The following BUB3 variants were observed in gnomAD, a reference collection of about 807,000 sequenced individuals.
The protein encoded by BUB3 is BUB3 mitotic checkpoint protein.
A neutral mutation model predicts 39.9 loss-of-function variants in BUB3; 22 were observed. The ratio of observed to expected loss-of-function variants is 0.55; its 90% CI spans 0.39 to 0.79. BUB3 has a LOEUF of 0.79. Ranked by LOEUF, BUB3 falls within the 30% of genes least tolerant of loss-of-function variation. The pLI, the probability that BUB3 is intolerant of heterozygous loss-of-function variation, is 0.00. For synonymous variants in BUB3, 168 were observed against 155.1 expected (o/e 1.08, Z -0.62); for missense variants, 303 against 415.4 (o/e 0.73, Z 2.35).
chr10:123,164,041 C>A lies in BUB3; in HGVS notation c.*206C>A. ...CATGAGATGGTTTGATGGTTTGCTG[C>A]ATTAAAGGTATTTGGGCAAACAAAA... On this transcript the variant is annotated 3_prime_UTR_variant, in exon 8 of 8. Transcript: ENST00000368865. 8.0e-7 allele frequency: 1 copy of A among 1,253,264 alleles called. No individual in the cohort carries two copies. Among genetic ancestry groups the A allele is most frequent in the Non-Finnish European group, 1.0e-6 (1 of 997,342 alleles). 77.6% of individuals were successfully genotyped at this position (1,253,264 alleles called of 1,614,324 possible). A position where few individuals can be genotyped will look rare whatever the true frequency, so the allele number is the denominator to read the frequency against.
rs977803353 is a variant in BUB3 at position 123,170,291 on chromosome 10, A to G, written c.*6456A>G. The G allele has an allele frequency of 2.0e-5, 3 of 152,244 alleles. No individual in the cohort carries two copies. The highest frequency in any genetic ancestry group is 7.2e-5 in the African/African-American group (3 of 41,464). 9.4% of individuals were successfully genotyped at this position (152,244 alleles called of 1,614,324 possible). A position where few individuals can be genotyped will look rare whatever the true frequency, so the allele number is the denominator to read the frequency against. On this transcript the variant is annotated 3_prime_UTR_variant, in exon 8 of 8. Coordinates refer to ENST00000368865, the MANE Select transcript of BUB3 (RefSeq NM_004725.4). ...TTTACATGATGTAGTTCTCAGATAT[A>G]TACGGGATTTCTAGTTCTTAAATGC...
intron 7 of BUB3, among the ~76,000 whole-genome samples, chr10:123,163,430 T>A (rs1844449957): frequency 6.6e-6 from 1 of 152,228 alleles, no homozygotes; most frequent in Non-Finnish European, 1.5e-5. Context: ...TCTACCAGGC[T>A]TTAAGGGAAA....
At position 123,168,875 on chromosome 10, in the gene BUB3, A is replaced by T. The variant is rs1844521204; in HGVS notation, c.*5040A>T. 1 of 151,708 alleles carries T rather than the reference A, an allele frequency of 6.6e-6. No individual in the cohort carries two copies. Among genetic ancestry groups the T allele is most frequent in the Non-Finnish European group, 1.5e-5 (1 of 67,956 alleles). The allele number at this position is 151,708 out of a possible 1,614,324, so 9.4% of individuals were successfully genotyped here. A position where few individuals can be genotyped will look rare whatever the true frequency, so the allele number is the denominator to read the frequency against. Reference sequence around the variant, plus strand: ...CTGTGACTTTTTTTTTTTTAAGCTCATCAGCTATTGTATTAGTGTATTTTA... The same window carrying T: ...CTGTGACTTTTTTTTTTTTAAGCTCTTCAGCTATTGTATTAGTGTATTTTA... On this transcript the variant is annotated 3_prime_UTR_variant, in exon 8 of 8. Coordinates refer to ENST00000368865, the MANE Select transcript of BUB3 (RefSeq NM_004725.4).
chr10:123,166,648 C>T lies in BUB3; in HGVS notation c.*2813C>T, dbSNP rs540949236. 1 of 152,232 alleles carries T rather than the reference C, an allele frequency of 6.6e-6. No individual in the cohort carries two copies. Among genetic ancestry groups the T allele is most frequent in the South Asian group, 2.1e-4 (1 of 4,820 alleles). The allele number at this position is 152,232 out of a possible 1,614,324, so 9.4% of individuals were successfully genotyped here. On this transcript the variant is annotated 3_prime_UTR_variant, in exon 8 of 8. Coordinates refer to ENST00000368865, the MANE Select transcript of BUB3 (RefSeq NM_004725.4). Reference sequence around the variant, plus strand: ...ACTGCTTCCTGTTGCTCATAGTCACCCTTCAGTGATTTCATAAGGAGGTGT... The same window carrying T: ...ACTGCTTCCTGTTGCTCATAGTCACTCTTCAGTGATTTCATAAGGAGGTGT...
In BUB3 at chr10:123,164,715, C is replaced by G. The variant is rs1283052698; in HGVS notation, c.*880C>G. The stretch of plus-strand genomic sequence containing the variant: ...TAGTTCTTATGTCCATTTCAGTTGA[C>G]CAGCCGCTGGTGATTAAAGTTAAAA... On this transcript the variant is annotated 3_prime_UTR_variant, in exon 8 of 8. Transcript: ENST00000368865. 3 of 1,056,568 alleles carry G rather than the reference C, an allele frequency of 2.8e-6. No homozygotes were observed. The highest frequency in any genetic ancestry group is 3.4e-6 in the Non-Finnish European group (3 of 875,812). 65.4% of individuals were successfully genotyped at this position (1,056,568 alleles called of 1,614,324 possible).
At chr10:123,154,698 G>T (rs1226143665) in intron 1 of BUB3, among the ~76,000 whole-genome samples, 1 of 152,212 alleles carries the variant, frequency 6.6e-6, no homozygotes, top group Non-Finnish European at 1.5e-5. Context: ...TGGGTTTAGG[G>T]GGACGGCGGT....
In BUB3 at chr10:123,164,585, C is replaced by A; in HGVS notation, c.*750C>A. 1 of 987,406 alleles carries A rather than the reference C, an allele frequency of 1.0e-6. No homozygotes were observed. Among genetic ancestry groups the A allele is most frequent in the Non-Finnish European group, 1.2e-6 (1 of 831,348 alleles). The allele number at this position is 987,406 out of a possible 1,614,324, so 61.2% of individuals were successfully genotyped here. On this transcript the variant is annotated 3_prime_UTR_variant, in exon 8 of 8. Transcript: ENST00000368865. Reference sequence around the variant, plus strand: ...TGTGTATTTGGAAAAATAATTGTAACGTAATTGCAGTGCATTTAGACAGGC... The same window carrying A: ...TGTGTATTTGGAAAAATAATTGTAAAGTAATTGCAGTGCATTTAGACAGGC...
Position 123,168,672 on chromosome 10 carries a change from C to T in BUB3, c.*4837C>T, listed in dbSNP as rs554226757. On this transcript the variant is annotated 3_prime_UTR_variant, in exon 8 of 8. Coordinates refer to ENST00000368865, the MANE Select transcript of BUB3 (RefSeq NM_004725.4). ...TCAAGCAATTCTCCTGCCTCAGCCA[C>T]CCGAGTAGTTGGGATTACAGGCACC... The T allele has an allele frequency of 1.3e-5, 2 of 152,346 alleles. No homozygotes were observed. Among genetic ancestry groups the T allele is most frequent in the East Asian group, 3.9e-4 (2 of 5,180 alleles). 9.4% of individuals were successfully genotyped at this position (152,346 alleles called of 1,614,324 possible). A position where few individuals can be genotyped will look rare whatever the true frequency, so the allele number is the denominator to read the frequency against.
chr10:123,155,618 A>G, intron 2 of BUB3, 40 bp from the exon 3 acceptor site: 1 of 1,580,382 alleles, frequency 6.3e-7, no homozygotes, highest in Admixed American at 1.7e-5. Flanking sequence ...AAACCCTTTC[A>G]AAAGTTCTAG....
intron 3 of BUB3, among the ~76,000 whole-genome samples, chr10:123,157,008 G>C (rs912312396): frequency 6.6e-6 from 1 of 152,188 alleles, no homozygotes; most frequent in Non-Finnish European, 1.5e-5. Context: ...CTCCCAAAAT[G>C]CTGGGGCTAA....
At chr10:123,158,856 T>A (rs990485952) in intron 4 of BUB3, among the ~76,000 whole-genome samples, 2 of 152,224 alleles carry the variant, frequency 1.3e-5, no homozygotes, top group Admixed American at 6.5e-5. Flanking sequence ...TCACTTTTTT[T>A]AATACTTTCT....
chr10:123,162,504 C>T, intron 6 of BUB3, 91 bp downstream of exon 6: 2 of 1,555,350 alleles, frequency 1.3e-6, no homozygotes, highest in Middle Eastern at 1.7e-4. Context: ...CTGTACAGTG[C>T]TTTAGGGAAA....
chr10:123,157,646 C>G (rs1313012490), intron 3 of BUB3, 83 bp from the exon 4 acceptor site: 23 of 1,435,534 alleles, frequency 1.6e-5, no homozygotes, highest in Non-Finnish European at 2.0e-5. Context: ...ATGAATGTTT[C>G]TTTTAATTGT....
intron 1 of BUB3, 79 bp downstream of exon 1, chr10:123,154,564 T>G: frequency 5.2e-6 from 1 of 193,090 alleles, no homozygotes. Flanking sequence ...GGCCGTTCGA[T>G]TCGCAGGGGA....
chr10:123,166,534 G>A lies in BUB3; in HGVS notation c.*2699G>A, dbSNP rs180911507. ...ATTTTACAACAAATGCCTGTCACCT[G>A]TAATTTGCAAAAACTGCTTGATCAG... On this transcript the variant is annotated 3_prime_UTR_variant, in exon 8 of 8. Coordinates refer to ENST00000368865, the MANE Select transcript of BUB3 (RefSeq NM_004725.4). 11 of 152,258 alleles carry A rather than the reference G, an allele frequency of 7.2e-5. No homozygotes were observed. In the East Asian group the frequency reaches 2.1e-3, roughly 29 times the overall value. The allele number at this position is 152,258 out of a possible 1,614,324, so 9.4% of individuals were successfully genotyped here. A position where few individuals can be genotyped will look rare whatever the true frequency, so the allele number is the denominator to read the frequency against.
rs1410153166 is a variant in BUB3 at position 123,155,045 on chromosome 10, A to G, written c.128A>G (p.Asp43Gly). Residue 43 changes from aspartate to glycine, a missense_variant, in exon 2 of 8, where the codon GAT becomes GGT. Asp to Gly is a moderately conservative substitution (Grantham distance 94, BLOSUM62 -1). This residue lies in a region of BUB3 where 121 missense variants were observed against 122.3 expected (regional missense o/e 0.99). Coordinates refer to ENST00000368865, the MANE Select transcript of BUB3 (RefSeq NM_004725.4). ...TGGGACACGTCCGTGCGTCTCTACG[A>G]TGTGCCGGCCAACTCCATGCGGCTC... The part of the protein sequence containing the change: ...SSWDTSVRLY[D>G]VPANSMRLKY... 5 of 1,614,024 alleles carry G rather than the reference A, an allele frequency of 3.1e-6. No homozygotes were observed. The highest frequency in any genetic ancestry group is 1.1e-5 in the South Asian group (1 of 91,078).
chr10:123,162,491 A>T, intron 6 of BUB3, 78 bp downstream of exon 6: 4 of 1,566,996 alleles, frequency 2.6e-6, no homozygotes, highest in Non-Finnish European at 1.7e-6. Flanking sequence ...AGTGAAAAAA[A>T]ATCTGTACAG....
At chr10:123,159,320 A>G (rs781336314) in intron 4 of BUB3, among the ~76,000 whole-genome samples, 13 of 152,356 alleles carry the variant, frequency 8.5e-5, no homozygotes, top group Non-Finnish European at 1.8e-4. Context: ...GATTATTAAC[A>G]TATGGCTTAA....
rs1197731284 is a variant in BUB3 at position 123,165,017 on chromosome 10, A to T, written c.*1182A>T. On this transcript the variant is annotated 3_prime_UTR_variant, in exon 8 of 8. Transcript: ENST00000368865. Reference sequence around the variant, plus strand: ...GAAAACTTGGTGTAAGTCTGAACCCATCTTTTGAAATGTATTTTCTTCATT... The same window carrying T: ...GAAAACTTGGTGTAAGTCTGAACCCTTCTTTTGAAATGTATTTTCTTCATT... The T allele has an allele frequency of 2.5e-6, 4 of 1,611,946 alleles. No homozygotes were observed. Among genetic ancestry groups the T allele is most frequent in the Non-Finnish European group, 3.4e-6 (4 of 1,179,346 alleles).
Sources: allele counts gnomAD v4.1 joint callset (sites outside exome capture counted in the v4.1 genomes callset), GRCh38; gene constraint gnomAD v4.1.1; regional missense constraint gnomAD v4.1.1; transcripts MANE v1.5; gene names NCBI Gene and HGNC (gene_info 2026-07-23, HGNC 2026-07-21).